The following GNAZ variants were observed in gnomAD, a reference collection of about 807,000 sequenced individuals.
The protein encoded by GNAZ is guanine nucleotide-binding protein G(z) subunit alpha.
In GNAZ, 3 loss-of-function variants were observed where a neutral mutation model predicts 25.4. That is an observed-to-expected ratio of 0.12 (90% CI 0.05 to 0.30). The LOEUF is 0.30. GNAZ is among the 10% of genes least tolerant of loss of function. The pLI is 1.00. For missense variants in GNAZ, 241 were observed against 501.8 expected, an observed-to-expected ratio of 0.48 and a Z score of 4.97; for synonymous variants, 211 against 205.7, an observed-to-expected ratio of 1.03 and a Z score of -0.22.
At chr22:23,110,714 C>T (rs2069620358) in intron 2 of GNAZ, among the ~76,000 whole-genome samples, 1 of 152,242 alleles carries the variant, frequency 6.6e-6, no homozygotes, top group Non-Finnish European at 1.5e-5. Context: ...GGTGTCCACC[C>T]TGGTTGTCAT....
chr22:23,109,989 T>G (rs2069600641), intron 2 of GNAZ, among the ~76,000 whole-genome samples: 1 of 152,116 alleles, frequency 6.6e-6, no homozygotes. Context: ...AATCCAATTC[T>G]CCAATCTGTC....
intron 2 of GNAZ, among the ~76,000 whole-genome samples, chr22:23,100,296 C>A (rs2069259468): frequency 6.6e-6 from 1 of 152,224 alleles, no homozygotes; most frequent in Non-Finnish European, 1.5e-5. Context: ...GCAGCAGTTC[C>A]CAGCAGTGTC....
At chr22:23,102,196 G>A (rs577216875) in intron 2 of GNAZ, among the ~76,000 whole-genome samples, 2 of 152,344 alleles carry the variant, frequency 1.3e-5, no homozygotes, top group African/African-American at 2.4e-5. Flanking sequence ...GCCTTCAGCC[G>A]CTCTGAGCCT....
chr22:23,085,564 G>A (rs2146285887), intron 1 of GNAZ, among the ~76,000 whole-genome samples: 1 of 152,338 alleles, frequency 6.6e-6, no homozygotes, highest in Admixed American at 6.5e-5. Flanking sequence ...AACTGAGCCA[G>A]GGAGAGGGTG....
chr22:23,122,820 A>G (rs2146402636), intron 2 of GNAZ: 1 of 541,094 alleles, frequency 1.8e-6, no homozygotes. Context: ...ATATGTTGAG[A>G]TCACTGGCAC....
At chr22:23,086,987 C>T (rs927479243) in intron 1 of GNAZ, among the ~76,000 whole-genome samples, 3 of 152,180 alleles carry the variant, frequency 2.0e-5, no homozygotes, top group African/African-American at 7.2e-5. Flanking sequence ...GAAGCACATG[C>T]GGCTCCGATA....
intron 2 of GNAZ, among the ~76,000 whole-genome samples, chr22:23,105,931 G>A (rs1311524196): frequency 6.6e-6 from 1 of 152,232 alleles, no homozygotes; most frequent in African/African-American, 2.4e-5. Context: ...GAGCAGGTGG[G>A]ACCCAGGTGC....
chr22:23,087,116 T>C (rs2068841305), intron 1 of GNAZ, among the ~76,000 whole-genome samples: 1 of 152,136 alleles, frequency 6.6e-6, no homozygotes, highest in African/African-American at 2.4e-5. Context: ...AATAGTATCA[T>C]GGTGGGAGCT....
At chr22:23,116,280 G>C (rs942921439) in intron 2 of GNAZ, among the ~76,000 whole-genome samples, 4 of 152,278 alleles carry the variant, frequency 2.6e-5, no homozygotes, top group Non-Finnish European at 4.4e-5. Flanking sequence ...GTAACTTGGA[G>C]GTGGAGCTGC....
At chr22:23,078,617 G>A (rs2068577541) in intron 1 of GNAZ, among the ~76,000 whole-genome samples, 1 of 152,202 alleles carries the variant, frequency 6.6e-6, no homozygotes, top group Admixed American at 6.5e-5. Context: ...TGGAGGGTGT[G>A]GCCACTGCGG....
intron 2 of GNAZ, among the ~76,000 whole-genome samples, chr22:23,116,712 C>T (rs956555413): frequency 2.6e-5 from 4 of 152,216 alleles, no homozygotes; most frequent in Admixed American, 2.6e-4. Flanking sequence ...TCCCCACCCC[C>T]AGCCCAGGCG....
At chr22:23,118,115 A>G (rs1239059025) in intron 2 of GNAZ, among the ~76,000 whole-genome samples, 2 of 152,190 alleles carry the variant, frequency 1.3e-5, no homozygotes, top group Non-Finnish European at 2.9e-5. Context: ...TCCCTTCCAC[A>G]ATGGCAAGTC....
intron 1 of GNAZ, among the ~76,000 whole-genome samples, chr22:23,074,271 G>A (rs2068453099): frequency 6.6e-6 from 1 of 152,318 alleles, no homozygotes; most frequent in East Asian, 1.9e-4. Context: ...GCCATGAGGG[G>A]CTACTGCAAC....
intron 2 of GNAZ, among the ~76,000 whole-genome samples, chr22:23,099,491 G>A (rs1003050325): frequency 6.6e-6 from 1 of 152,246 alleles, no homozygotes; most frequent in Non-Finnish European, 1.5e-5. Context: ...AACACAAGGG[G>A]GTTTTTCTGG....
At chr22:23,109,035 T>G (rs1046643160) in intron 2 of GNAZ, among the ~76,000 whole-genome samples, 2 of 152,188 alleles carry the variant, frequency 1.3e-5, no homozygotes, top group African/African-American at 4.8e-5. Context: ...CAGCTCCATA[T>G]CCGATGTGTC....
intron 2 of GNAZ, among the ~76,000 whole-genome samples, chr22:23,122,095 G>A (rs1459888378): frequency 6.6e-6 from 1 of 152,162 alleles, no homozygotes; most frequent in African/African-American, 2.4e-5. Flanking sequence ...TTGATATTTT[G>A]CTCATTGAGT....
At chr22:23,111,074 G>C (rs535839849) in intron 2 of GNAZ, among the ~76,000 whole-genome samples, 46 of 152,288 alleles carry the variant, frequency 3.0e-4, no homozygotes, top group Middle Eastern at 6.8e-3. Context: ...TCATTTGCTG[G>C]GGGGCCTGCG....
chr22:23,080,271 G>A (rs1019290404), intron 1 of GNAZ, among the ~76,000 whole-genome samples: 4 of 152,214 alleles, frequency 2.6e-5, no homozygotes, highest in Admixed American at 6.5e-5. Flanking sequence ...CTGGTCAGCC[G>A]TGGTGGCTGT....
intron 2 of GNAZ, among the ~76,000 whole-genome samples, chr22:23,115,722 G>A (rs2069812047): frequency 1.3e-5 from 2 of 152,352 alleles, no homozygotes; most frequent in South Asian, 4.1e-4. Flanking sequence ...ACCTGAAGTT[G>A]GGGGCCGGGG....
Sources: allele counts gnomAD v4.1 joint callset (sites outside exome capture counted in the v4.1 genomes callset), GRCh38; gene constraint gnomAD v4.1.1; transcripts MANE v1.5; gene names NCBI Gene and HGNC (gene_info 2026-07-23, HGNC 2026-07-21).